Variants in PTPDC1 observed in about 807,000 individuals in gnomAD.
PTPDC1 encodes the protein protein tyrosine phosphatase domain-containing protein 1.
Under a neutral mutation model 75.3 loss-of-function variants are expected in PTPDC1, and 53 were observed. The ratio of observed to expected loss-of-function variants is 0.70; its 90% CI spans 0.56 to 0.88. The LOEUF (loss-of-function observed/expected upper bound fraction) is 0.88, where lower values mean the gene tolerates loss of function less well. Among genes scored for constraint, PTPDC1 ranks in the 40% least tolerant of loss-of-function variants. The pLI is 0.00. For synonymous variants in PTPDC1, 349 were observed against 366.2 expected, an observed-to-expected ratio of 0.95 and a Z score of 0.54; for missense variants, 925 against 998.6, an observed-to-expected ratio of 0.93 and a Z score of 0.99.
At chr9:94,082,369 G>A (rs917492617), upstream of PTPDC1, among the ~76,000 whole-genome samples, 1 of 152,210 alleles carries the variant, frequency 6.6e-6, no homozygotes, top group African/African-American at 2.4e-5. Context: ...CTGAAATCTT[G>A]AGTATAGAAG....
rs1055224238 is a variant in PTPDC1, at chr9:94,069,619, T to C, written c.82+4798T>C. Among the ~76,000 whole-genome samples, 8 of 150,456 alleles carry C rather than the reference T, an allele frequency of 5.3e-5. 1 individual carries two copies. Among genetic ancestry groups the C allele is most frequent in the Non-Finnish European group, 4.4e-5 (3 of 67,538 alleles). On this transcript the variant is annotated intron_variant, in intron 2 of 9. Coordinates refer to the PTPDC1 transcript ENST00000375360. ...CACTGTAACCTCCGCCTCCTCTGTT[T>C]AAGCAATTCTCCTGCCTCAGCCTCC...
intron 1 of PTPDC1, among the ~76,000 whole-genome samples, chr9:94,058,540 A>G (rs1185267484): frequency 1.3e-5 from 2 of 150,834 alleles, no homozygotes; most frequent in African/African-American, 4.9e-5. Flanking sequence ...CTCTACTGAA[A>G]AAAAAAAAAT....
chr9:94,052,466 TTAGTTGA>T (rs1320406544), intron 1 of PTPDC1, among the ~76,000 whole-genome samples: 1 of 152,186 alleles, frequency 6.6e-6, no homozygotes, highest in African/African-American at 2.4e-5. Flanking sequence ...AGATCAAAAC[TTAGTTGA>T]TAGTGCTGTT....
chr9:94,037,382 A>G (rs1179016079), intron 1 of PTPDC1, among the ~76,000 whole-genome samples: 3 of 152,228 alleles, frequency 2.0e-5, no homozygotes, highest in Non-Finnish European at 4.4e-5. Context: ...TTTAGAAAAT[A>G]TCAGTAGAGA....
At chr9:94,038,103 G>T in intron 1 of PTPDC1, 1 of 554,716 alleles carries the variant, frequency 1.8e-6, no homozygotes, top group Non-Finnish European at 3.4e-6. Flanking sequence ...GAAAAGGGAG[G>T]CAAGCATAAG....
At chr9:94,040,204 G>A (rs956614918) in intron 1 of PTPDC1, among the ~76,000 whole-genome samples, 3 of 152,096 alleles carry the variant, frequency 2.0e-5, no homozygotes, top group African/African-American at 7.2e-5. Context: ...TTGGAATATT[G>A]GCTCATTTTA....
intron 1 of PTPDC1, among the ~76,000 whole-genome samples, chr9:94,032,381 A>G (rs1468686162): frequency 6.6e-6 from 1 of 152,194 alleles, no homozygotes; most frequent in African/African-American, 2.4e-5. Flanking sequence ...CAATTGTTCT[A>G]GTCTAATTTC....
intron 1 of PTPDC1, among the ~76,000 whole-genome samples, chr9:94,031,464 A>G (rs773399533): frequency 2.6e-4 from 39 of 152,176 alleles, no homozygotes; most frequent in Non-Finnish European, 5.1e-4. Context: ...ATTAAAAAAA[A>G]AAGAAGAAAC....
intron 2 of PTPDC1, among the ~76,000 whole-genome samples, chr9:94,068,452 A>G (rs970977341): frequency 6.6e-6 from 1 of 151,896 alleles, no homozygotes. Context: ...TTTCCTCATG[A>G]TAAGACTGAG....
Position 94,088,155 on chromosome 9 carries a change from A to T in PTPDC1, c.508A>T (p.Lys170Ter). The T allele has an allele frequency of 6.2e-7, 1 of 1,613,294 alleles. No homozygotes were observed. Among genetic ancestry groups the T allele is most frequent in the African/African-American group, 1.3e-5 (1 of 74,964 alleles). The change falls in exon 4 of 9, where the codon AAA becomes TAA. Residue 170 changes from lysine (K) to a stop codon, truncating the protein, a stop_gained. Transcript: ENST00000620992. LOFTEE classifies it high-confidence loss of function. The stretch of plus-strand genomic sequence containing the variant: ...CCTTTTTCCTTTAAGCCATGGCATA[A>T]AAACAATAATCAACCTCCAGCGCCC... ...IIDQFLSHGI[K>*]TIINLQRPGE...
At chr9:94,088,063 A>C (rs1425341362) in intron 3 of PTPDC1, 82 bp from the exon 4 acceptor site, 1 of 1,532,018 alleles carries the variant, frequency 6.5e-7, no homozygotes. Flanking sequence ...AGAGTAATTA[A>C]TAATGTTGAT....
intron 2 of PTPDC1, among the ~76,000 whole-genome samples, chr9:94,077,472 CT>C (rs1225590382): frequency 6.6e-6 from 1 of 152,200 alleles, no homozygotes; most frequent in Non-Finnish European, 1.5e-5. Context: ...TCCCACACCC[CT>C]CTCTTTGGAT....
chr9:94,060,649 G>A (rs1826099746), intron 1 of PTPDC1, among the ~76,000 whole-genome samples: 1 of 152,154 alleles, frequency 6.6e-6, no homozygotes, highest in Non-Finnish European at 1.5e-5. Context: ...ATAGCAGAAG[G>A]CAAAGCAAGA....
chr9:94,103,709 C>G (rs1827922491), intron 7 of PTPDC1, among the ~76,000 whole-genome samples: 1 of 152,192 alleles, frequency 6.6e-6, no homozygotes, highest in Non-Finnish European at 1.5e-5. Flanking sequence ...CTAAGGTAAA[C>G]AGCCCCCAGG....
At chr9:94,050,379 C>G (rs1279362145) in intron 1 of PTPDC1, among the ~76,000 whole-genome samples, 12 of 152,156 alleles carry the variant, frequency 7.9e-5, no homozygotes, top group Non-Finnish European at 1.5e-5. Flanking sequence ...TGGTGACGTA[C>G]AGATGGGGTT....
At chr9:94,048,084 T>G (rs1825670909) in intron 1 of PTPDC1, among the ~76,000 whole-genome samples, 1 of 152,062 alleles carries the variant, frequency 6.6e-6, no homozygotes, top group African/African-American at 2.4e-5. Context: ...ATCTGTTTGA[T>G]TCTTCTCTCT....
At chr9:94,043,235 T>C (rs1371753690) in intron 1 of PTPDC1, among the ~76,000 whole-genome samples, 1 of 152,162 alleles carries the variant, frequency 6.6e-6, no homozygotes, top group African/African-American at 2.4e-5. Flanking sequence ...CTTGCCACTT[T>C]GATATTGCTA....
In PTPDC1 at chr9:94,035,928, G is replaced by T. The variant is rs540837842; in HGVS notation, c.-7+4801G>T. ...TTTGCACTCCCTCATGATTAGTGAT[G>T]TTGAGCACTTTTTCATGTACCTGTT... is the stretch of plus-strand genomic sequence containing the variant. On this transcript the variant is annotated intron_variant, in intron 1 of 9. Transcript: ENST00000375360. Among the ~76,000 whole-genome samples the T allele has an allele frequency of 1.1e-4, 16 of 151,342 alleles. 1 individual carries two copies. The highest frequency in any genetic ancestry group is 9.2e-4 in the Admixed American group (14 of 15,156).
intron 1 of PTPDC1, among the ~76,000 whole-genome samples, chr9:94,033,839 T>G (rs1829773101): frequency 1.3e-5 from 2 of 152,230 alleles, no homozygotes; most frequent in South Asian, 4.1e-4. Flanking sequence ...GGCCATCTTT[T>G]TAAAAAACTT....
Sources: gnomAD v4.1 joint callset for allele counts (sites outside exome capture counted in the v4.1 genomes callset) on GRCh38, gnomAD v4.1.1 for gene constraint, MANE v1.5 for transcripts, NCBI Gene and HGNC (gene_info 2026-07-23, HGNC 2026-07-21) for gene names.